The following SYT9 variants were observed in gnomAD, a reference collection of about 807,000 sequenced individuals.
SYT9 encodes the protein synaptotagmin 9.
SYT9 carries 22 observed loss-of-function variants against 48.4 expected under a neutral mutation model. The observed-to-expected ratio is 0.45, with a 90% confidence interval of 0.32 to 0.65. The LOEUF is 0.65. Among genes scored for constraint, SYT9 ranks in the 30% least tolerant of loss-of-function variants. SYT9 has a pLI of 0.03. For missense variants in SYT9, 577 were observed against 622.0 expected (o/e 0.93, Z 0.77); for synonymous variants, 265 against 245.0 (o/e 1.08, Z -0.76).
chr11:7,442,194 C>T lies in SYT9; in HGVS notation c.1467+21559C>T, dbSNP rs149856841. Among the ~76,000 whole-genome samples the T allele has an allele frequency of 5.4e-4, 82 of 152,232 alleles. 1 individual carries two copies. The East Asian group carries it at 0.013, about 23-fold the overall frequency. On this transcript the variant is annotated intron_variant, in intron 6 of 6. Coordinates refer to ENST00000318881, the MANE Select transcript of SYT9 (RefSeq NM_175733.4). ...CTCTGCACATGCCATCAACGCTCTG[C>T]TCTCAGTGAAAATGGCTGAGGGGAG... is the stretch of plus-strand genomic sequence containing the variant.
intron 2 of SYT9, among the ~76,000 whole-genome samples, chr11:7,310,606 C>A (rs1188857616): frequency 6.6e-6 from 1 of 152,104 alleles, no homozygotes; most frequent in East Asian, 1.9e-4. Context: ...GCCACCACGC[C>A]TGGCTACTTT....
At chr11:7,452,084 A>G (rs929580923) in intron 6 of SYT9, among the ~76,000 whole-genome samples, 2 of 149,566 alleles carry the variant, frequency 1.3e-5, no homozygotes, top group Non-Finnish European at 3.0e-5. Context: ...TAAGTAAGAC[A>G]GAACTGACAG....
chr11:7,310,344 G>A (rs1056366190), intron 2 of SYT9, among the ~76,000 whole-genome samples: 1 of 151,686 alleles, frequency 6.6e-6, no homozygotes, highest in Non-Finnish European at 1.5e-5. Flanking sequence ...ATGTTGGCCA[G>A]GCTGGTCTCG....
At chr11:7,373,003 A>C (rs1850390212) in intron 3 of SYT9, among the ~76,000 whole-genome samples, 1 of 152,018 alleles carries the variant, frequency 6.6e-6, no homozygotes, top group Admixed American at 6.6e-5. Flanking sequence ...TGTTTGCATA[A>C]TTTTTCTCCT....
intron 6 of SYT9, among the ~76,000 whole-genome samples, chr11:7,430,081 C>CA (rs1473701396): frequency 6.6e-6 from 1 of 150,682 alleles, no homozygotes; most frequent in Non-Finnish European, 1.5e-5. Context: ...TTATTTACAG[C>CA]AAAAATGAAG....
At chr11:7,355,300 G>A (rs531257765) in intron 3 of SYT9, among the ~76,000 whole-genome samples, 1 of 152,334 alleles carries the variant, frequency 6.6e-6, no homozygotes, top group South Asian at 2.1e-4. Flanking sequence ...CTTTGTGGGA[G>A]GCCAGGTGGG....
chr11:7,312,474 T>C (rs1589936131), intron 2 of SYT9, among the ~76,000 whole-genome samples: 2 of 152,088 alleles, frequency 1.3e-5, no homozygotes, highest in East Asian at 3.8e-4. Flanking sequence ...ACAACAAAAG[T>C]AACCTTAAAA....
chr11:7,455,666 C>T (rs947525208), intron 6 of SYT9, among the ~76,000 whole-genome samples: 1 of 151,998 alleles, frequency 6.6e-6, no homozygotes, highest in Non-Finnish European at 1.5e-5. Flanking sequence ...AGACTTTTTC[C>T]CAAATACAGA....
intron 1 of SYT9, among the ~76,000 whole-genome samples, chr11:7,300,339 C>T (rs1291961565): frequency 3.9e-5 from 6 of 152,168 alleles, no homozygotes; most frequent in Admixed American, 3.9e-4. Context: ...GAGCTCTTTT[C>T]TCATGCAGAA....
At chr11:7,445,933 C>T (rs1847920570) in intron 6 of SYT9, among the ~76,000 whole-genome samples, 1 of 152,200 alleles carries the variant, frequency 6.6e-6, no homozygotes, top group South Asian at 2.1e-4. Context: ...ACAATCCTAC[C>T]CTACTGTACA....
At chr11:7,283,371 G>A (rs1848537173) in intron 1 of SYT9, among the ~76,000 whole-genome samples, 1 of 151,910 alleles carries the variant, frequency 6.6e-6, no homozygotes, top group African/African-American at 2.4e-5. Context: ...AACCTAGAAG[G>A]ATTTTCTTCT....
intron 3 of SYT9, among the ~76,000 whole-genome samples, chr11:7,345,197 T>C (rs1335908277): frequency 6.6e-6 from 1 of 152,152 alleles, no homozygotes; most frequent in Admixed American, 6.5e-5. Context: ...GGGGATGGCC[T>C]CTCCAGACTC....
At chr11:7,302,932 C>T (rs531621292) in intron 1 of SYT9, 107 bp from the exon 2 acceptor site, 11 of 1,019,332 alleles carry the variant, frequency 1.1e-5, no homozygotes, top group Admixed American at 6.3e-5. Flanking sequence ...CTTCCGCAGT[C>T]GGCTCCCAAG....
At chr11:7,272,707 A>G (rs924721037) in intron 1 of SYT9, among the ~76,000 whole-genome samples, 2 of 152,202 alleles carry the variant, frequency 1.3e-5, no homozygotes, top group African/African-American at 2.4e-5. Flanking sequence ...GTGTGGTTTG[A>G]TCTGGGAGCA....
At chr11:7,396,734 T>C (rs1846761053) in intron 3 of SYT9, among the ~76,000 whole-genome samples, 1 of 152,170 alleles carries the variant, frequency 6.6e-6, no homozygotes, top group Admixed American at 6.5e-5. Flanking sequence ...ACAATTCATA[T>C]TGTCACTCTT....
At chr11:7,406,158 C>G (rs1307709956) in intron 3 of SYT9, among the ~76,000 whole-genome samples, 1 of 152,030 alleles carries the variant, frequency 6.6e-6, no homozygotes, top group Admixed American at 6.5e-5. Context: ...TTTATCATTC[C>G]TATGTGTTGG....
At chr11:7,360,045 G>T (rs1056937033) in intron 3 of SYT9, among the ~76,000 whole-genome samples, 1 of 151,796 alleles carries the variant, frequency 6.6e-6, no homozygotes, top group Non-Finnish European at 1.5e-5. Context: ...GTAAGGAAGG[G>T]ATCCAGTTTC....
intron 1 of SYT9, among the ~76,000 whole-genome samples, chr11:7,274,807 C>T (rs1848357337): frequency 1.3e-5 from 2 of 152,128 alleles, no homozygotes; most frequent in Admixed American, 1.3e-4. Context: ...GGAGTTTTCC[C>T]TTACAGGATG....
intron 3 of SYT9, among the ~76,000 whole-genome samples, chr11:7,370,125 C>G (rs1489486944): frequency 6.6e-6 from 1 of 152,138 alleles, no homozygotes; most frequent in Admixed American, 6.6e-5. Flanking sequence ...GCTTAGCTCC[C>G]ACATATCAGT....
Sources: allele counts gnomAD v4.1 joint callset (sites outside exome capture counted in the v4.1 genomes callset), GRCh38; gene constraint gnomAD v4.1.1; transcripts MANE v1.5; gene names NCBI Gene and HGNC (gene_info 2026-07-23, HGNC 2026-07-21).